KHSRP: variants seen among roughly 807,000 people sequenced by gnomAD.
KHSRP encodes the protein far upstream element-binding protein 2.
In KHSRP, 13 loss-of-function variants were observed where a neutral mutation model predicts 94.9. That is an observed-to-expected ratio of 0.14 (90% CI 0.09 to 0.22). The LOEUF is 0.22. Ranked by LOEUF, KHSRP falls within the 10% of genes least tolerant of loss-of-function variation. KHSRP has a pLI of 1.00. For missense variants in KHSRP, 710 were observed against 1,010.0 expected, an observed-to-expected ratio of 0.70 and a Z score of 4.03; for synonymous variants, 495 against 401.4, an observed-to-expected ratio of 1.23 and a Z score of -2.79.
chr19:6,413,345 G>A lies in KHSRP; in HGVS notation c.*1679C>T, dbSNP rs576374342. 242 of 364,336 alleles carry A rather than the reference G, an allele frequency of 6.6e-4. 2 individuals are homozygous for A. The highest frequency in any genetic ancestry group is 1.5e-3 in the South Asian group (78 of 51,684). 22.6% of individuals were successfully genotyped at this position (364,336 alleles called of 1,614,324 possible). On this transcript the variant is annotated 3_prime_UTR_variant, in exon 19 of 19. Coordinates refer to ENST00000600480, the MANE Select transcript of KHSRP (RefSeq NM_001366299.1). The stretch of plus-strand genomic sequence containing the variant: ...GGGGAGACAGACAGCACCCGCAGAC[G>A]GGGAGGTTTTGTTATCATTTATTTG...
chr19:6,421,407 G>C, intron 3 of KHSRP, 90 bp from the exon 4 acceptor site: 5 of 1,352,908 alleles, frequency 3.7e-6, no homozygotes, highest in Non-Finnish European at 4.1e-6. Flanking sequence ...AGCTGAGCCC[G>C]GCACCACGGT....
Position 6,414,540 on chromosome 19 carries a change from C to A in KHSRP, c.*484G>T. ...TTCACGCCCACTTCACAGACAAGCC[C>A]GGGACACAGGCAAGCGCGAGCGCAT... On this transcript the variant is annotated 3_prime_UTR_variant, in exon 19 of 19. Transcript: ENST00000600480. 9.7e-7 allele frequency: 1 copy of A among 1,033,664 alleles called. No individual in the cohort carries two copies. The highest frequency in any genetic ancestry group is 1.2e-6 in the Non-Finnish European group (1 of 861,666). 64.0% of individuals were successfully genotyped at this position (1,033,664 alleles called of 1,614,324 possible).
Position 6,414,219 on chromosome 19 carries a change from G to C in KHSRP, c.*805C>G. On this transcript the variant is annotated 3_prime_UTR_variant, in exon 19 of 19. Coordinates refer to ENST00000600480, the MANE Select transcript of KHSRP (RefSeq NM_001366299.1). Reference sequence around the variant, plus strand: ...GAGGGGCTGGAACACCGTGGGGGGGGCCAGGAAGCCCCCTCCCAAACCTGC... The same window carrying C: ...GAGGGGCTGGAACACCGTGGGGGGGCCCAGGAAGCCCCCTCCCAAACCTGC... 1 of 1,521,708 alleles carries C rather than the reference G, an allele frequency of 6.6e-7. No homozygotes were observed. The highest frequency in any genetic ancestry group is 8.8e-7 in the Non-Finnish European group (1 of 1,134,600). The allele number at this position is 1,521,708 out of a possible 1,614,324, so 94.3% of individuals were successfully genotyped here. A position where few individuals can be genotyped will look rare whatever the true frequency, so the allele number is the denominator to read the frequency against.
intron 1 of KHSRP, among the ~76,000 whole-genome samples, chr19:6,423,879 G>A (rs1056572491): frequency 2.0e-5 from 3 of 152,130 alleles, no homozygotes; most frequent in South Asian, 2.1e-4. Flanking sequence ...CAAAGAGACA[G>A]ACCACGCTTT....
Position 6,421,621 on chromosome 19 carries a change from A to G in KHSRP, c.385+29T>C, listed in dbSNP as rs967800710. 6.2e-6 allele frequency: 10 copies of G among 1,613,024 alleles called. 1 individual carries two copies. Among genetic ancestry groups the G allele is most frequent in the African/African-American group, 5.3e-5 (4 of 74,896 alleles). On this transcript the variant is annotated intron_variant, in intron 3 of 18. Coordinates refer to ENST00000600480, the MANE Select transcript of KHSRP (RefSeq NM_001366299.1). ...GAAAACCTCAACCCTCTGAAGCCAC[A>G]TATCTGCCACCAGACCCCCTGGACT...
chr19:6,419,285 GC>G, intron 6 of KHSRP, 25 bp from the exon 7 acceptor site: 1 of 1,539,998 alleles, frequency 6.5e-7, no homozygotes, highest in Non-Finnish European at 8.7e-7. Context: ...TAGAGTCAGT[GC>G]CCTCCCTGGC....
chr19:6,424,258 C>T (rs891462061), intron 1 of KHSRP, 195 bp downstream of exon 1: 2 of 158,244 alleles, frequency 1.3e-5, no homozygotes, highest in African/African-American at 4.9e-5. Flanking sequence ...CCCCTACTCC[C>T]TGCAGGGGGG....
In KHSRP at chr19:6,414,538, C is replaced by A; in HGVS notation, c.*486G>T. The A allele has an allele frequency of 9.7e-7, 1 of 1,035,548 alleles. No individual in the cohort carries two copies. The highest frequency in any genetic ancestry group is 1.2e-6 in the Non-Finnish European group (1 of 862,750). 64.1% of individuals were successfully genotyped at this position (1,035,548 alleles called of 1,614,324 possible). ...TCTTCACGCCCACTTCACAGACAAG[C>A]CCGGGACACAGGCAAGCGCGAGCGC... On this transcript the variant is annotated 3_prime_UTR_variant, in exon 19 of 19. Coordinates refer to ENST00000600480, the MANE Select transcript of KHSRP (RefSeq NM_001366299.1).
chr19:6,424,518 G>A lies in KHSRP; in HGVS notation c.184C>T (p.Pro62Ser). Residue 62 changes from proline (P) to serine (S), a missense_variant, in exon 1 of 19, where the codon CCC becomes TCC. Physicochemically the swap from Pro to Ser is moderately conservative, Grantham distance 74. Around this residue, in one of 5 missense-constraint regions of KHSRP, gnomAD observed 92 missense variants for 80.8 expected, o/e 1.14. Coordinates refer to ENST00000600480, the MANE Select transcript of KHSRP (RefSeq NM_001366299.1). ...CGGATTCCCGGGCCGCCTCCGCCGGGTGGCTGAGAGGGGCCCCCGGCCGAC... is the reference window on the plus strand; with the variant it reads ...CGGATTCCCGGGCCGCCTCCGCCGGATGGCTGAGAGGGGCCCCCGGCCGAC... ...GGSAGGPSQP[P>S]GGGGPGIRKD... 2.0e-6 allele frequency: 2 copies of A among 985,724 alleles called. No individual in the cohort carries two copies. The highest frequency in any genetic ancestry group is 4.5e-5 in the South Asian group (1 of 22,028). The allele number at this position is 985,724 out of a possible 1,614,324, so 61.1% of individuals were successfully genotyped here.
chr19:6,424,770 C>A lies in KHSRP; in HGVS notation c.-69G>T. The stretch of plus-strand genomic sequence containing the variant: ...GGCGGCGGCGGCGGCGGCGGCTCAA[C>A]GCGGGAACAAGGCCTCGCTCCACAC... On this transcript the variant is annotated 5_prime_UTR_variant, in exon 1 of 19. Coordinates refer to ENST00000600480, the MANE Select transcript of KHSRP (RefSeq NM_001366299.1). 1.5e-6 allele frequency: 1 copy of A among 679,290 alleles called. No individual in the cohort carries two copies. The highest frequency in any genetic ancestry group is 1.8e-6 in the Non-Finnish European group (1 of 541,904). The allele number at this position is 679,290 out of a possible 1,614,324, so 42.1% of individuals were successfully genotyped here. A position where few individuals can be genotyped will look rare whatever the true frequency, so the allele number is the denominator to read the frequency against.
chr19:6,423,327 A>G, intron 1 of KHSRP, among the ~76,000 whole-genome samples: 1 of 152,226 alleles, frequency 6.6e-6, no homozygotes, highest in Non-Finnish European at 1.5e-5. Flanking sequence ...CACAAGTTAC[A>G]TCTCAGACAC....
chr19:6,413,258 T>G lies in KHSRP; in HGVS notation c.*1766A>C, dbSNP rs747288961. 1 of 165,130 alleles carries G rather than the reference T, an allele frequency of 6.1e-6. No individual in the cohort carries two copies. Among genetic ancestry groups the G allele is most frequent in the African/African-American group, 2.4e-5 (1 of 41,118 alleles). 10.2% of individuals were successfully genotyped at this position (165,130 alleles called of 1,614,324 possible). A position where few individuals can be genotyped will look rare whatever the true frequency, so the allele number is the denominator to read the frequency against. On this transcript the variant is annotated 3_prime_UTR_variant, in exon 19 of 19. Transcript: ENST00000600480. The stretch of plus-strand genomic sequence containing the variant: ...AATTTCAATCACCATTATCAGGCTT[T>G]TTAAACAACATCTATAAAGAACAAA...
chr19:6,421,423 G>A, intron 3 of KHSRP, 106 bp from the exon 4 acceptor site: 1 of 1,212,824 alleles, frequency 8.2e-7, no homozygotes, highest in Non-Finnish European at 1.2e-6. Context: ...ACGGTCCCCA[G>A]CCTGCTCCAG....
chr19:6,415,895 C>A lies in KHSRP; in HGVS notation c.1600G>T (p.Ala534Ser). The A allele has an allele frequency of 1.3e-6, 2 of 1,512,592 alleles. No homozygotes were observed. Among genetic ancestry groups the A allele is most frequent in the Non-Finnish European group, 1.8e-6 (2 of 1,129,010 alleles). 93.7% of individuals were successfully genotyped at this position (1,512,592 alleles called of 1,614,324 possible). A position where few individuals can be genotyped will look rare whatever the true frequency, so the allele number is the denominator to read the frequency against. Residue 534 changes from alanine (A) to serine (S), a missense_variant and splice_region_variant, in exon 16 of 19, where the codon GCC (alanine) becomes TCC (serine). Transcript: ENST00000600480. ...TACTGGTGAGGAGGGGGCCCCCCGG[C>A]ACTGCAGGAGAGAAGAAAGGGATGC... is the stretch of plus-strand genomic sequence containing the variant. ...NQGPPGAPPH[A>S]GGPPPHQYPP...
rs1398660170 is a variant in KHSRP, at chr19:6,416,839, C to G, written c.1226G>C (p.Gly409Ala). The G allele has an allele frequency of 5.0e-6, 8 of 1,597,248 alleles. No homozygotes were observed. Among genetic ancestry groups the G allele is most frequent in the Non-Finnish European group, 6.8e-6 (8 of 1,172,148 alleles). Residue 409 changes from glycine to alanine, a missense_variant, in exon 13 of 19, where the codon GGG (glycine) becomes GCG (alanine). This residue lies in a region of KHSRP where 288 missense variants were observed against 501.1 expected (regional missense o/e 0.57). Coordinates refer to ENST00000600480, the MANE Select transcript of KHSRP (RefSeq NM_001366299.1). The stretch of plus-strand genomic sequence containing the variant: ...TTGGCCTCTTCCTCGGCCTCGGCCC[C>G]CCGGGGGCATGCCTGGACCCCCTGG... The part of the protein sequence containing the change: ...GPPGGPGMPP[G>A]GRGRGRGQGN...
intron 7 of KHSRP, 82 bp downstream of exon 7, chr19:6,419,121 G>T: frequency 7.3e-7 from 1 of 1,364,046 alleles, no homozygotes; most frequent in Non-Finnish European, 1.0e-6. Flanking sequence ...CGTGCAAGTT[G>T]CTCCCAACTT....
At chr19:6,421,073 C>T (rs555078423) in intron 4 of KHSRP, 5 of 596,998 alleles carry the variant, frequency 8.4e-6, no homozygotes, top group African/African-American at 5.6e-5. Context: ...TGCCACGACG[C>T]TCCCCTCCCA....
intron 15 of KHSRP, among the ~76,000 whole-genome samples, 193 bp from the exon 16 acceptor site, chr19:6,416,089 A>C (rs1404738962): frequency 2.6e-5 from 4 of 152,230 alleles, no homozygotes; most frequent in East Asian, 1.9e-4. Flanking sequence ...ACATGAAAGA[A>C]GCCGCGAAAC....
rs1416538296 is a variant in KHSRP at position 6,418,595 on chromosome 19, G to A, written c.781-14C>T. 1.2e-6 allele frequency: 2 copies of A among 1,613,604 alleles called. No homozygotes were observed. The highest frequency in any genetic ancestry group is 1.7e-5 in the Admixed American group (1 of 60,028). The stretch of plus-strand genomic sequence containing the variant: ...TCCAGCGCGTTCCTTTACAAGCAAG[G>A]TTAACCGTTAGTGCTGGGCTCTCCC... On this transcript the variant is annotated splice_polypyrimidine_tract_variant and intron_variant, in intron 8 of 18. Transcript: ENST00000600480. The surrounding 1 kb of genome is among the most constrained non-coding windows in gnomAD (Gnocchi z 4.3).
Sources: gnomAD v4.1 joint callset for allele counts (sites outside exome capture counted in the v4.1 genomes callset) on GRCh38, gnomAD v4.1.1 for gene constraint, gnomAD v4.1.1 regional missense constraint, Gnocchi (gnomAD v3.1) non-coding constraint, MANE v1.5 for transcripts, NCBI Gene and HGNC (gene_info 2026-07-23, HGNC 2026-07-21) for gene names.